The following USP37 variants were observed in gnomAD, a reference collection of about 807,000 sequenced individuals.
USP37 encodes the protein ubiquitin specific peptidase 37.
In USP37, 27 loss-of-function variants were observed where a neutral mutation model predicts 124.0. That is an observed-to-expected ratio of 0.22 (90% CI 0.16 to 0.30). The LOEUF is 0.30. Among genes scored for constraint, USP37 ranks in the 10% least tolerant of loss-of-function variants. The probability of loss-of-function intolerance (pLI) is 1.00; values close to 1 mark genes in which losing one functional copy is unlikely to be tolerated. For missense variants in USP37, 889 were observed against 1,140.4 expected, an observed-to-expected ratio of 0.78 and a Z score of 3.17; for synonymous variants, 365 against 388.0, an observed-to-expected ratio of 0.94 and a Z score of 0.70.
At chr2:218,550,671 A>G (rs1187514569) in intron 5 of USP37, among the ~76,000 whole-genome samples, 1 of 151,410 alleles carries the variant, frequency 6.6e-6, no homozygotes, top group Non-Finnish European at 1.5e-5. Context: ...CCTACCAAGT[A>G]TATGAGAGTA....
chr2:218,510,128 T>G lies in USP37; in HGVS notation c.876A>C (p.Ser292=). 1 of 1,609,548 alleles carries G rather than the reference T, an allele frequency of 6.2e-7. No individual in the cohort carries two copies. The highest frequency in any genetic ancestry group is 1.1e-5 in the South Asian group (1 of 89,238). ...TTCTTTTGGCAGAGGGAGTCTGGCT[T>G]GAAACATTAGTCCTACAAAAAAGCA... The part of the protein sequence containing the change: ...GGTNLDRTNV[S]SQTPSAKRSL... Residue 292 remains serine (S), a synonymous_variant, in exon 11 of 26, where the codon TCA becomes TCC. Transcript: ENST00000258399.
intron 15 of USP37, among the ~76,000 whole-genome samples, chr2:218,487,347 C>A (rs939326797): frequency 1.3e-5 from 2 of 152,174 alleles, no homozygotes; most frequent in Non-Finnish European, 2.9e-5. Flanking sequence ...TACGTGATAT[C>A]TACAGTTTTA....
chr2:218,546,396 A>G (rs1691688218), intron 7 of USP37, 98 bp from the exon 8 acceptor site: 2 of 749,630 alleles, frequency 2.7e-6, no homozygotes, highest in Non-Finnish European at 2.2e-6. Context: ...TGGGACTACT[A>G]TTATCTAATT....
intron 8 of USP37, among the ~76,000 whole-genome samples, chr2:218,539,530 C>T (rs1282569214): frequency 1.3e-5 from 2 of 151,154 alleles, no homozygotes; most frequent in Non-Finnish European, 1.5e-5. Context: ...ATCTGAGCAA[C>T]GTGGTGAAAC....
At position 218,455,035 on chromosome 2, in the gene USP37, A is replaced by G. The variant is rs756255216; in HGVS notation, c.2853-18T>C. On this transcript the variant is annotated intron_variant, in intron 25 of 25. Transcript: ENST00000258399. Reference sequence around the variant, plus strand: ...AGATCTCCCTTAAGATAAAACAAGCAAAAAATAAAACTGGAAATTTAGTAA... The same window carrying G: ...AGATCTCCCTTAAGATAAAACAAGCGAAAAATAAAACTGGAAATTTAGTAA... 1.9e-6 allele frequency: 3 copies of G among 1,610,608 alleles called. No individual in the cohort carries two copies. The highest frequency in any genetic ancestry group is 4.5e-5 in the East Asian group (2 of 44,894).
chr2:218,514,640 G>T (rs1363740314), intron 10 of USP37, among the ~76,000 whole-genome samples: 2 of 151,970 alleles, frequency 1.3e-5, no homozygotes, highest in African/African-American at 4.8e-5. Context: ...TTTTCCTTTT[G>T]TAATTAAGAA....
Position 218,477,003 on chromosome 2 carries a change from A to C in USP37, c.1902-22T>G, listed in dbSNP as rs764394188. ...TTTCCTGTAATTTAAGGAAAAAAAA[A>C]AAAGCCTGATAAACATTTGTCTTTG... On this transcript the variant is annotated intron_variant, in intron 18 of 25. Coordinates refer to ENST00000258399, the MANE Select transcript of USP37 (RefSeq NM_020935.3). 6 of 1,499,892 alleles carry C rather than the reference A, an allele frequency of 4.0e-6. No homozygotes were observed. The South Asian group carries it at 8.1e-5, about 20-fold the overall frequency. The allele number at this position is 1,499,892 out of a possible 1,614,324, so 92.9% of individuals were successfully genotyped here. A position where few individuals can be genotyped will look rare whatever the true frequency, so the allele number is the denominator to read the frequency against.
chr2:218,493,095 A>G (rs115037265), intron 14 of USP37, among the ~76,000 whole-genome samples: 214 of 152,292 alleles, frequency 1.4e-3, no homozygotes, highest in African/African-American at 5.1e-3. Context: ...CAGTCAGTTT[A>G]AACTGTAATG....
At position 218,553,680 on chromosome 2, in the gene USP37, C is replaced by G; in HGVS notation, c.201G>C (p.Ala67=). The change falls in exon 5 of 26, where the codon GCG becomes GCC. Residue 67 remains alanine, a synonymous_variant. Transcript: ENST00000258399. ...GAGTTAACATTAGGCGGCTTTGTTT[C>G]GCTCCACTGGGTCGAAGCACCACAT... The part of the protein sequence containing the change: ...IKNVVLRPSG[A]KQSRLMLTLQ... 6.2e-7 allele frequency: 1 copy of G among 1,613,532 alleles called. No individual in the cohort carries two copies. Among genetic ancestry groups the G allele is most frequent in the Non-Finnish European group, 8.5e-7 (1 of 1,179,700 alleles).
At chr2:218,476,674 G>A (rs1691000316) in intron 19 of USP37, among the ~76,000 whole-genome samples, 166 bp downstream of exon 19, 2 of 152,192 alleles carry the variant, frequency 1.3e-5, no homozygotes, top group African/African-American at 2.4e-5. Flanking sequence ...TTAGAACAAC[G>A]AATTTCTCGT....
At chr2:218,518,222 T>C (rs1288291160) in intron 10 of USP37, among the ~76,000 whole-genome samples, 3 of 152,204 alleles carry the variant, frequency 2.0e-5, no homozygotes, top group East Asian at 3.8e-4. Flanking sequence ...ATTTGAGTTT[T>C]TGTATTTTTC....
intron 10 of USP37, among the ~76,000 whole-genome samples, chr2:218,519,631 GTTTGT>G (rs1247848919): frequency 6.6e-6 from 1 of 151,244 alleles, no homozygotes; most frequent in Non-Finnish European, 1.5e-5. Context: ...GTTTTTTCTT[GTTTGT>G]TTTTTGTTTT....
chr2:218,516,058 G>C (rs1334885075), intron 10 of USP37, among the ~76,000 whole-genome samples: 1 of 152,216 alleles, frequency 6.6e-6, no homozygotes, highest in Non-Finnish European at 1.5e-5. Flanking sequence ...CGATGATGTG[G>C]AGAAACAGGT....
chr2:218,490,159 G>A (rs1691850564), intron 14 of USP37, among the ~76,000 whole-genome samples: 1 of 152,112 alleles, frequency 6.6e-6, no homozygotes, highest in South Asian at 2.1e-4. Flanking sequence ...AGACCATCCT[G>A]GCTAACACGG....
intron 25 of USP37, 46 bp from the exon 26 acceptor site, chr2:218,455,063 A>G (rs776813007): frequency 5.0e-6 from 8 of 1,606,964 alleles, no homozygotes; most frequent in Non-Finnish European, 6.8e-6. Context: ...TTTAGTAAGC[A>G]GAACCAAAGA....
intron 10 of USP37, among the ~76,000 whole-genome samples, chr2:218,510,851 C>T (rs967371577): frequency 5.3e-5 from 8 of 151,970 alleles, no homozygotes; most frequent in Non-Finnish European, 1.0e-4. Flanking sequence ...GAAAATTAGC[C>T]AGGCGTGGTG....
At chr2:218,520,415 AC>A (rs1690543463) in intron 10 of USP37, among the ~76,000 whole-genome samples, 1 of 147,506 alleles carries the variant, frequency 6.8e-6, no homozygotes, top group East Asian at 2.0e-4. Flanking sequence ...AACGGAGCGA[AC>A]TTGGCTCACT....
Position 218,535,744 on chromosome 2 carries a change from A to C in USP37, c.681-1038T>G, listed in dbSNP as rs144040327. Among the ~76,000 whole-genome samples, 70 of 152,048 alleles carry C rather than the reference A, an allele frequency of 4.6e-4. 1 individual carries two copies. In the East Asian group the frequency reaches 0.011, roughly 25 times the overall value. ...GTGGCGGGCACCTGTAGTCCCATCT[A>C]CGCAGGAGGCTGAGGTGGGAGAATG... On this transcript the variant is annotated intron_variant, in intron 8 of 25. Transcript: ENST00000258399.
At chr2:218,512,948 T>TA in intron 10 of USP37, among the ~76,000 whole-genome samples, 1 of 152,240 alleles carries the variant, frequency 6.6e-6, no homozygotes, top group East Asian at 1.9e-4. Flanking sequence ...GTAATGTCAG[T>TA]ACTGATTTGG....
Sources: allele counts gnomAD v4.1 joint callset (sites outside exome capture counted in the v4.1 genomes callset), GRCh38; gene constraint gnomAD v4.1.1; transcripts MANE v1.5; gene names NCBI Gene and HGNC (gene_info 2026-07-23, HGNC 2026-07-21).